Variants in ZSWIM8 observed in about 807,000 individuals in gnomAD.
The protein encoded by ZSWIM8 is zinc finger SWIM-type containing 8.
A neutral mutation model predicts 173.7 loss-of-function variants in ZSWIM8; 27 were observed. The ratio of observed to expected loss-of-function variants is 0.16; its 90% CI spans 0.11 to 0.21. The LOEUF is 0.21. ZSWIM8 is among the 10% of genes least tolerant of loss of function. ZSWIM8 has a pLI of 1.00. For missense variants in ZSWIM8, 1,627 were observed against 2,428.8 expected, an observed-to-expected ratio of 0.67 and a Z score of 6.94; for synonymous variants, 958 against 962.0, an observed-to-expected ratio of 1.00 and a Z score of 0.08.
chr10:73,792,530 C>T lies in ZSWIM8; in HGVS notation c.1991C>T (p.Pro664Leu). 1 of 1,614,020 alleles carries T rather than the reference C, an allele frequency of 6.2e-7. No homozygotes were observed. The highest frequency in any genetic ancestry group is 8.5e-7 in the Non-Finnish European group (1 of 1,179,884). Residue 664 changes from proline to leucine, a missense_variant, in exon 10 of 26, where the codon CCA (proline) becomes CTA (leucine). Pro to Leu is a moderately conservative substitution (Grantham distance 98). Around this residue, in one of 18 missense-constraint regions of ZSWIM8, gnomAD observed 383 missense variants for 394.8 expected, o/e 0.97. Transcript: ENST00000604729. The surrounding 1 kb of genome is among the most constrained non-coding windows in gnomAD (Gnocchi z 4.3). ...RGPSTFLPEPPDTYEEDGGVY... is the reference protein window; with the variant it reads ...RGPSTFLPEPLDTYEEDGGVY... ...CCTTCCACTTTCCTTCCTGAGCCCC[C>T]AGATACTTATGAAGAAGATGGTGGT...
At position 73,796,789 on chromosome 10, in the gene ZSWIM8, T is replaced by C. The variant is rs1422119229; in HGVS notation, c.3049T>C (p.Leu1017=). ...TGTCTTCCAGATCTTAGACAAACTCTTGGACCGAGAGAGCCAGACACATAA... is the reference window on the plus strand; with the variant it reads ...TGTCTTCCAGATCTTAGACAAACTCCTGGACCGAGAGAGCCAGACACATAA... ...AKLKKILDKL[L]DRESQTHKPQ... The change falls in exon 16 of 26, where the codon TTG becomes CTG. Residue 1017 remains leucine (L), a synonymous_variant. Coordinates refer to ENST00000604729, the MANE Select transcript of ZSWIM8 (RefSeq NM_001367799.1). 1.2e-6 allele frequency: 2 copies of C among 1,613,610 alleles called. No individual in the cohort carries two copies. The highest frequency in any genetic ancestry group is 8.5e-7 in the Non-Finnish European group (1 of 1,179,884).
intron 21 of ZSWIM8, 64 bp downstream of exon 21, chr10:73,799,554 G>A (rs779301039): frequency 6.4e-7 from 1 of 1,560,142 alleles, no homozygotes; most frequent in South Asian, 1.2e-5. Context: ...TAGGGGGTTG[G>A]AGTGGGTACT....
intron 1 of ZSWIM8, chr10:73,786,315 T>TGTGTGTGTGTGG (rs1041616287): frequency 1.7e-5 from 8 of 463,998 alleles, no homozygotes; most frequent in Non-Finnish European, 2.6e-5. Context: ...TCTCCACACC[T>TGTGTGTGTGTGG]GTGTGTGTGT....
At chr10:73,798,820 G>T (rs2083786765) in intron 20 of ZSWIM8, among the ~76,000 whole-genome samples, 182 bp from the exon 21 acceptor site, 1 of 152,156 alleles carries the variant, frequency 6.6e-6, no homozygotes, top group Non-Finnish European at 1.5e-5. Flanking sequence ...ACTCATTTTG[G>T]TCAGTATTTA....
Position 73,795,586 on chromosome 10 carries a change from G to A in ZSWIM8, c.2956G>A (p.Gly986Ser). Reference protein sequence around the residue: ...SEAEHPLLCEGTRREKGDLAL... With the variant: ...SEAEHPLLCESTRREKGDLAL... Reference sequence around the variant, plus strand: ...GGCAGAACATCCCCTCTTATGTGAAGGCACACGTCGGGAGAAGGGTGACCT... The same window carrying A: ...GGCAGAACATCCCCTCTTATGTGAAAGCACACGTCGGGAGAAGGGTGACCT... The change falls in exon 15 of 26, where the codon GGC becomes AGC. Residue 986 changes from glycine to serine, a missense_variant. By Grantham distance (56) the Gly-to-Ser change is moderately conservative. Around this residue, in one of 18 missense-constraint regions of ZSWIM8, gnomAD observed 4 missense variants for 28.3 expected, o/e 0.14. Coordinates refer to ENST00000604729, the MANE Select transcript of ZSWIM8 (RefSeq NM_001367799.1). The A allele has an allele frequency of 1.9e-6, 3 of 1,613,962 alleles. No homozygotes were observed. Among genetic ancestry groups the A allele is most frequent in the Non-Finnish European group, 2.5e-6 (3 of 1,179,898 alleles).
Position 73,797,986 on chromosome 10 carries a change from G to A in ZSWIM8, c.3868G>A (p.Gly1290Arg). The change falls in exon 19 of 26, where the codon GGG becomes AGG. Residue 1290 changes from glycine to arginine, a missense_variant. Gly to Arg is a moderately radical substitution (Grantham distance 125). This residue lies in a region of ZSWIM8 where 95 missense variants were observed against 271.3 expected (regional missense o/e 0.35). Transcript: ENST00000604729. The surrounding 1 kb of genome is among the most constrained non-coding windows in gnomAD (Gnocchi z 5.6). ...CCTGCACCTTTGCGCCTTCGAGATT[G>A]GGCTTTATGCCCTTGGCCTGCACAA... ...RNLHLCAFEI[G>R]LYALGLHNFV... is the part of the protein sequence containing the mutation. 1 of 1,614,056 alleles carries A rather than the reference G, an allele frequency of 6.2e-7. No homozygotes were observed. Among genetic ancestry groups the A allele is most frequent in the Non-Finnish European group, 8.5e-7 (1 of 1,179,898 alleles).
Position 73,789,180 on chromosome 10 carries a change from A to G in ZSWIM8, c.447A>G (p.Pro149=), listed in dbSNP as rs764941076. Reference sequence around the variant, plus strand: ...TCCGCATGCGGGCTGTGAAGGACCCATTGCAGATAGGTGAGTGGGCCATCA... The same window carrying G: ...TCCGCATGCGGGCTGTGAAGGACCCGTTGCAGATAGGTGAGTGGGCCATCA... ...QLFRMRAVKD[P]LQIGFHLSAT... is the part of the protein sequence containing the mutation. Residue 149 remains proline (P), a synonymous_variant, in exon 3 of 26, where the codon CCA becomes CCG. Transcript: ENST00000604729. The surrounding 1 kb of genome is among the most constrained non-coding windows in gnomAD (Gnocchi z 6.8). 6 of 1,613,990 alleles carry G rather than the reference A, an allele frequency of 3.7e-6. No individual in the cohort carries two copies. The highest frequency in any genetic ancestry group is 1.7e-5 in the Admixed American group (1 of 60,028).
At chr10:73,788,966 CT>C in intron 2 of ZSWIM8, 129 bp from the exon 3 acceptor site, 2 of 769,284 alleles carry the variant, frequency 2.6e-6, no homozygotes, top group South Asian at 1.5e-5. Context: ...ATTCCACTCC[CT>C]CCCCCCCACC....
Position 73,795,424 on chromosome 10 carries a change from G to A in ZSWIM8, c.2909-115G>A. On this transcript the variant is annotated intron_variant, in intron 14 of 25. Transcript: ENST00000604729. Reference sequence around the variant, plus strand: ...AGACTTCTATAGGTGATGTGGGTTGGACCAAGGGAACCCCTTACTTCATAT... The same window carrying A: ...AGACTTCTATAGGTGATGTGGGTTGAACCAAGGGAACCCCTTACTTCATAT... The A allele has an allele frequency of 3.3e-6, 5 of 1,510,790 alleles. No homozygotes were observed. In the Admixed American group the frequency reaches 5.9e-5, roughly 18 times the overall value. The allele number at this position is 1,510,790 out of a possible 1,614,324, so 93.6% of individuals were successfully genotyped here.
intron 15 of ZSWIM8, 33 bp from the exon 16 acceptor site, chr10:73,796,741 G>C (rs1056816980): frequency 1.9e-6 from 3 of 1,607,194 alleles, no homozygotes; most frequent in Non-Finnish European, 2.5e-6. Flanking sequence ...TCCTGTCACT[G>C]CTTCTCTGGA....
chr10:73,791,392 T>C lies in ZSWIM8; in HGVS notation c.1212T>C (p.Arg404=). 6.2e-7 allele frequency: 1 copy of C among 1,613,948 alleles called. No individual in the cohort carries two copies. The highest frequency in any genetic ancestry group is 8.5e-7 in the Non-Finnish European group (1 of 1,179,836). Residue 404 remains arginine, a synonymous_variant, in exon 9 of 26, where the codon CGT becomes CGC. Coordinates refer to ENST00000604729, the MANE Select transcript of ZSWIM8 (RefSeq NM_001367799.1). This position sits in a 1 kb window ranked among gnomAD's most constrained non-coding sequence, Gnocchi z 6.0. The part of the protein sequence containing the change: ...SHSSASGHTG[R]SNGQSEVAAH... Reference sequence around the variant, plus strand: ...GCAGTGCCAGTGGGCACACGGGCCGTAGCAACGGGCAGTCAGAGGTGGCAG... The same window carrying C: ...GCAGTGCCAGTGGGCACACGGGCCGCAGCAACGGGCAGTCAGAGGTGGCAG...
At position 73,799,689 on chromosome 10, in the gene ZSWIM8, G is replaced by C. The variant is rs2083834646; in HGVS notation, c.4665+199G>C. ...CTCATGCCTGTAATCCCAGCACTTT[G>C]AGAGGCCGATGTGGGTGGATCACTT... On this transcript the variant is annotated intron_variant, in intron 21 of 25. Coordinates refer to ENST00000604729, the MANE Select transcript of ZSWIM8 (RefSeq NM_001367799.1). The C allele has an allele frequency of 5.2e-6, 4 of 766,210 alleles. No homozygotes were observed. The Admixed American group carries it at 7.5e-5, about 14-fold the overall frequency. The allele number at this position is 766,210 out of a possible 1,614,324, so 47.5% of individuals were successfully genotyped here. A position where few individuals can be genotyped will look rare whatever the true frequency, so the allele number is the denominator to read the frequency against.
chr10:73,798,378 C>T lies in ZSWIM8; in HGVS notation c.4101C>T (p.Ala1367=). 6.2e-7 allele frequency: 1 copy of T among 1,613,996 alleles called. No homozygotes were observed. The highest frequency in any genetic ancestry group is 8.5e-7 in the Non-Finnish European group (1 of 1,179,894). The part of the protein sequence containing the change: ...SNMVRAAAEL[A]LSCLPHAHAL... ...TGGTGAGGGCGGCAGCAGAGCTGGC[C>T]CTGAGCTGCCTGCCTCACGCCCATG... The change falls in exon 20 of 26, where the codon GCC becomes GCT. Residue 1367 remains alanine, a synonymous_variant. Coordinates refer to ENST00000604729, the MANE Select transcript of ZSWIM8 (RefSeq NM_001367799.1).
chr10:73,789,025 T>C lies in ZSWIM8; in HGVS notation c.363-71T>C, dbSNP rs2083319309. 3 of 1,291,678 alleles carry C rather than the reference T, an allele frequency of 2.3e-6. No homozygotes were observed. The highest frequency in any genetic ancestry group is 1.2e-5 in the South Asian group (1 of 83,780). The allele number at this position is 1,291,678 out of a possible 1,614,324, so 80.0% of individuals were successfully genotyped here. ...GGCTAGGGAGAGAGTGCCTAGGGCA[T>C]TGTGGTCTCTGACAGGGTCTGCCAA... On this transcript the variant is annotated intron_variant, in intron 2 of 25. Coordinates refer to ENST00000604729, the MANE Select transcript of ZSWIM8 (RefSeq NM_001367799.1). The surrounding 1 kb of genome is among the most constrained non-coding windows in gnomAD (Gnocchi z 6.8).
rs374816476 is a variant in ZSWIM8 at position 73,800,094 on chromosome 10, C to T, written c.4749C>T (p.Pro1583=). The T allele has an allele frequency of 1.5e-5, 24 of 1,613,906 alleles. No individual in the cohort carries two copies. The highest frequency in any genetic ancestry group is 3.3e-5 in the South Asian group (3 of 91,082). Residue 1583 remains proline, a synonymous_variant, in exon 22 of 26, where the codon CCC becomes CCT. Coordinates refer to ENST00000604729, the MANE Select transcript of ZSWIM8 (RefSeq NM_001367799.1). The surrounding 1 kb of genome is among the most constrained non-coding windows in gnomAD (Gnocchi z 4.1). The part of the protein sequence containing the change: ...PSLAATAVSF[P]VPSMAPITVH... ...TTGCTGCCACTGCTGTGTCTTTCCC[C>T]GTTCCTTCCATGGCACCCATCACAG...
At chr10:73,794,781 TTCAGGGCAAAAATG>T in intron 14 of ZSWIM8, 142 bp downstream of exon 14, 2 of 737,638 alleles carry the variant, frequency 2.7e-6, no homozygotes, top group Non-Finnish European at 4.4e-6. Flanking sequence ...AAGACAGGAA[TTCAGGGCAAAAATG>T]TGTGCTATAT....
intron 2 of ZSWIM8, 106 bp downstream of exon 2, chr10:73,788,929 A>C: frequency 6.6e-7 from 1 of 1,504,576 alleles, no homozygotes; most frequent in Non-Finnish European, 9.0e-7. Flanking sequence ...CAGTGGTAAG[A>C]GGAAGACAAG....
At position 73,791,593 on chromosome 10, in the gene ZSWIM8, A is replaced by C; in HGVS notation, c.1319+94A>C. ...TCCTTGTTTGCAGAGACATACCATGATTTTAGTCCTCGGGAAACGGGAGGT... is the reference window on the plus strand; with the variant it reads ...TCCTTGTTTGCAGAGACATACCATGCTTTTAGTCCTCGGGAAACGGGAGGT... On this transcript the variant is annotated intron_variant, in intron 9 of 25. Transcript: ENST00000604729. This position sits in a 1 kb window ranked among gnomAD's most constrained non-coding sequence, Gnocchi z 6.0. The C allele has an allele frequency of 7.3e-7, 1 of 1,376,922 alleles. No homozygotes were observed. The highest frequency in any genetic ancestry group is 1.5e-5 in the African/African-American group (1 of 68,868). 85.3% of individuals were successfully genotyped at this position (1,376,922 alleles called of 1,614,324 possible).
At position 73,797,710 on chromosome 10, in the gene ZSWIM8, C is replaced by T; in HGVS notation, c.3663-71C>T. The T allele has an allele frequency of 6.4e-7, 1 of 1,564,528 alleles. No homozygotes were observed. ...TCCCAGCATCCTCACTTTCCCTGGT[C>T]CTTCCCAACCTACCCGGATGCCCAT... On this transcript the variant is annotated intron_variant, in intron 18 of 25. Transcript: ENST00000604729. The surrounding 1 kb of genome is among the most constrained non-coding windows in gnomAD (Gnocchi z 5.6).
Sources: gnomAD v4.1 joint callset for allele counts (sites outside exome capture counted in the v4.1 genomes callset) on GRCh38, gnomAD v4.1.1 for gene constraint, gnomAD v4.1.1 regional missense constraint, Gnocchi (gnomAD v3.1) non-coding constraint, MANE v1.5 for transcripts, NCBI Gene and HGNC (gene_info 2026-07-23, HGNC 2026-07-21) for gene names.